Variants in PPFIA2 observed in about 807,000 individuals in gnomAD.
PPFIA2 encodes the protein liprin-alpha-2.
In PPFIA2, 46 loss-of-function variants were observed where a neutral mutation model predicts 175.5. The observed-to-expected ratio is 0.26, with a 90% confidence interval of 0.21 to 0.34. The LOEUF (loss-of-function observed/expected upper bound fraction) is 0.34, where lower values mean the gene tolerates loss of function less well. Among genes scored for constraint, PPFIA2 ranks in the 10% least tolerant of loss-of-function variants. The probability of loss-of-function intolerance (pLI) is 1.00; values close to 1 mark genes in which losing one functional copy is unlikely to be tolerated. For missense variants in PPFIA2, 1,179 were observed against 1,506.1 expected, an observed-to-expected ratio of 0.78 and a Z score of 3.60; for synonymous variants, 568 against 511.4, an observed-to-expected ratio of 1.11 and a Z score of -1.49.
chr12:81,264,434 G>A (rs1274857116), intron 30 of PPFIA2, among the ~76,000 whole-genome samples: 1 of 152,094 alleles, frequency 6.6e-6, no homozygotes, highest in African/African-American at 2.4e-5. Flanking sequence ...CATAGGTCTT[G>A]TCTTCTCATC....
Position 81,637,445 on chromosome 12 carries a change from C to T in PPFIA2, c.303+39346G>A, listed in dbSNP as rs545909563. 1.3e-4 allele frequency among the ~76,000 whole-genome samples: 19 copies of T among 151,764 alleles called. 1 individual carries two copies. Among genetic ancestry groups the T allele is most frequent in the African/African-American group, 4.3e-4 (18 of 41,382 alleles). On this transcript the variant is annotated intron_variant, in intron 4 of 32. Transcript: ENST00000549396. ...CTAGATTGGTCTTCCTTTTCCTAAA[C>T]TGTATTTCCCTTTATCTACCTGTCA...
rs574593543 is a variant in PPFIA2 at position 81,668,567 on chromosome 12, C to A, written c.303+8224G>T. On this transcript the variant is annotated intron_variant, in intron 4 of 32. Transcript: ENST00000549396. ...CACTGCTTCTTTCTATGAGTCATTG[C>A]TTTGGGTCCACCCTCATTTGGCTAA... Among the ~76,000 whole-genome samples the A allele has an allele frequency of 6.0e-4, 91 of 152,118 alleles. 1 individual carries two copies. Among genetic ancestry groups the A allele is most frequent in the Middle Eastern group, 6.8e-3 (2 of 294 alleles).
chr12:81,312,126 A>G, intron 22 of PPFIA2: 1 of 1,530,580 alleles, frequency 6.5e-7, no homozygotes, highest in South Asian at 1.2e-5. Context: ...CGCTGAAAAT[A>G]AACATGTTCA....
chr12:81,280,683 AAAAAAG>A (rs2041887568), intron 27 of PPFIA2, among the ~76,000 whole-genome samples: 1 of 152,090 alleles, frequency 6.6e-6, no homozygotes, highest in Non-Finnish European at 1.5e-5. Flanking sequence ...AACAACTTGA[AAAAAAG>A]ACATTGCCTT....
intron 4 of PPFIA2, among the ~76,000 whole-genome samples, chr12:81,522,884 A>C (rs1460745991): frequency 2.0e-5 from 3 of 152,180 alleles, no homozygotes; most frequent in African/African-American, 7.2e-5. Flanking sequence ...GTAACAAATA[A>C]ATCCTGAAAT....
chr12:81,351,298 T>A (rs964639237), intron 17 of PPFIA2, among the ~76,000 whole-genome samples: 14 of 152,310 alleles, frequency 9.2e-5, no homozygotes, highest in Non-Finnish European at 1.9e-4. Flanking sequence ...GCTATAATAT[T>A]AAATTATGTC....
At chr12:81,707,843 TA>T (rs1223658536) in intron 3 of PPFIA2, among the ~76,000 whole-genome samples, 3 of 150,438 alleles carry the variant, frequency 2.0e-5, no homozygotes, top group Admixed American at 6.6e-5. Flanking sequence ...TATGCAGCCA[TA>T]AAAAATGATG....
At chr12:81,619,118 T>G (rs2061745351) in intron 4 of PPFIA2, among the ~76,000 whole-genome samples, 1 of 152,240 alleles carries the variant, frequency 6.6e-6, no homozygotes, top group African/African-American at 2.4e-5. Flanking sequence ...ACTTGATTTT[T>G]TTTGTCCTAT....
At chr12:81,280,394 A>G (rs2041800292) in intron 27 of PPFIA2, among the ~76,000 whole-genome samples, 1 of 152,246 alleles carries the variant, frequency 6.6e-6, no homozygotes, top group Non-Finnish European at 1.5e-5. Context: ...TTGGAAGCAA[A>G]AGCCCCAATT....
intron 9 of PPFIA2, among the ~76,000 whole-genome samples, chr12:81,377,882 G>A (rs1393072447): frequency 6.6e-6 from 1 of 152,152 alleles, no homozygotes; most frequent in Non-Finnish European, 1.5e-5. Flanking sequence ...CTCTGAACCT[G>A]TGAATGTGAC....
chr12:81,625,894 T>C (rs571689537), intron 4 of PPFIA2, among the ~76,000 whole-genome samples: 33 of 148,960 alleles, frequency 2.2e-4, no homozygotes, highest in South Asian at 6.3e-4. Context: ...ACATAAGATA[T>C]AGTATATAGC....
intron 4 of PPFIA2, among the ~76,000 whole-genome samples, chr12:81,546,762 C>T (rs2067067165): frequency 6.6e-6 from 1 of 151,188 alleles, no homozygotes; most frequent in Non-Finnish European, 1.5e-5. Context: ...AGAAACTGGG[C>T]TTTTTAAAAA....
chr12:81,655,048 T>C (rs1438068522), intron 4 of PPFIA2, among the ~76,000 whole-genome samples: 1 of 152,082 alleles, frequency 6.6e-6, no homozygotes, highest in East Asian at 1.9e-4. Context: ...AAGTGTGTTT[T>C]TCTAGGAATT....
chr12:81,606,165 G>T (rs996436430), intron 4 of PPFIA2, among the ~76,000 whole-genome samples: 1 of 151,866 alleles, frequency 6.6e-6, no homozygotes, highest in African/African-American at 2.4e-5. Flanking sequence ...TTTTTATATG[G>T]CTGCATAGTA....
intron 3 of PPFIA2, among the ~76,000 whole-genome samples, chr12:81,722,766 T>C (rs1012024562): frequency 1.3e-5 from 2 of 150,832 alleles, no homozygotes; most frequent in Admixed American, 6.6e-5. Context: ...CCAAATCACC[T>C]CATTTCAACT....
intron 14 of PPFIA2, among the ~76,000 whole-genome samples, chr12:81,363,164 A>G (rs1242413434): frequency 6.6e-6 from 1 of 151,598 alleles, no homozygotes; most frequent in Non-Finnish European, 1.5e-5. Context: ...TATGAGGGTT[A>G]AAGGACATAT....
At chr12:81,563,748 C>T (rs2070691405) in intron 4 of PPFIA2, among the ~76,000 whole-genome samples, 1 of 152,078 alleles carries the variant, frequency 6.6e-6, no homozygotes, top group Non-Finnish European at 1.5e-5. Flanking sequence ...ACTAGTCAGT[C>T]GTTATTCATT....
At chr12:81,303,213 T>C (rs1259522847) in intron 22 of PPFIA2, among the ~76,000 whole-genome samples, 2 of 152,180 alleles carry the variant, frequency 1.3e-5, no homozygotes, top group Non-Finnish European at 2.9e-5. Flanking sequence ...CTTACCCCAG[T>C]ACAAATTTAA....
intron 4 of PPFIA2, among the ~76,000 whole-genome samples, chr12:81,623,457 C>G (rs1021581470): frequency 6.6e-6 from 1 of 151,970 alleles, no homozygotes; most frequent in Admixed American, 6.6e-5. Context: ...CCTCATCCAT[C>G]TACTACCTAG....
Sources: gnomAD v4.1 joint callset for allele counts (sites outside exome capture counted in the v4.1 genomes callset) on GRCh38, gnomAD v4.1.1 for gene constraint, MANE v1.5 for transcripts, NCBI Gene and HGNC (gene_info 2026-07-23, HGNC 2026-07-21) for gene names.